Variants in EML6 observed in about 807,000 individuals in gnomAD.
The protein encoded by EML6 is EMAP like 6, also known as echinoderm microtubule-associated protein-like 6.
A neutral mutation model predicts 240.1 loss-of-function variants in EML6; 154 were observed. The ratio of observed to expected loss-of-function variants is 0.64; its 90% confidence interval spans 0.56 to 0.73. EML6 has a LOEUF of 0.73. Ranked by LOEUF, EML6 falls within the 30% of genes least tolerant of loss-of-function variation. The probability of loss-of-function intolerance (pLI) is 0.00; values close to 1 mark genes in which losing one functional copy is unlikely to be tolerated. For synonymous variants in EML6, 1,148 were observed against 899.0 expected, an observed-to-expected ratio of 1.28 and a Z score of -4.95; for missense variants, 2,964 against 2,474.6, an observed-to-expected ratio of 1.20 and a Z score of -4.20.
intron 2 of EML6, among the ~76,000 whole-genome samples, chr2:54,751,283 T>G (rs1264902332): frequency 3.9e-5 from 6 of 152,284 alleles, no homozygotes; most frequent in East Asian, 1.9e-4. Flanking sequence ...AGGGATCACT[T>G]CCTTAGTGTA....
At chr2:54,779,150 G>C (rs1572886438) in intron 2 of EML6, among the ~76,000 whole-genome samples, 1 of 152,146 alleles carries the variant, frequency 6.6e-6, no homozygotes, top group Non-Finnish European at 1.5e-5. Context: ...TCATGAACTT[G>C]TCAGTGGTAG....
At chr2:54,831,202 A>C (rs1363764402) in intron 7 of EML6, among the ~76,000 whole-genome samples, 1 of 152,198 alleles carries the variant, frequency 6.6e-6, no homozygotes, top group African/African-American at 2.4e-5. Flanking sequence ...GGGATTAGTG[A>C]CCATAAACTG....
intron 2 of EML6, among the ~76,000 whole-genome samples, chr2:54,781,173 C>A (rs561785139): frequency 2.0e-5 from 3 of 152,268 alleles, no homozygotes; most frequent in Non-Finnish European, 2.9e-5. Context: ...TTTTTACATG[C>A]GAGGCATAGA....
At chr2:54,788,824 CTT>C (rs1176036005) in intron 2 of EML6, among the ~76,000 whole-genome samples, 1 of 152,126 alleles carries the variant, frequency 6.6e-6, no homozygotes, top group African/African-American at 2.4e-5. Flanking sequence ...TTTTTATTGA[CTT>C]TATTGTTTAA....
chr2:54,806,562 G>A lies in EML6; in HGVS notation c.198-6670G>A, dbSNP rs994844738. ...TGGGAGGCGGAGGTTGCAGTGAGCT[G>A]AGATCACGCCCTTGCACTCCAGCCT... On this transcript the variant is annotated intron_variant, in intron 2 of 41. Transcript: ENST00000356458. Among the ~76,000 whole-genome samples the A allele has an allele frequency of 2.2e-5, 3 of 133,494 alleles. No homozygotes were observed. In the South Asian group the frequency reaches 7.4e-4, roughly 33 times the overall value. The allele number at this position is 133,494 out of a possible 152,430, so 87.6% of individuals were successfully genotyped here.
At chr2:54,840,379 A>G (rs1252118608) in intron 7 of EML6, among the ~76,000 whole-genome samples, 5 of 152,264 alleles carry the variant, frequency 3.3e-5, no homozygotes, top group Admixed American at 2.0e-4. Flanking sequence ...GATGTAATGT[A>G]TATGTCTATA....
At chr2:54,801,492 G>C (rs557760257) in intron 2 of EML6, among the ~76,000 whole-genome samples, 1 of 152,190 alleles carries the variant, frequency 6.6e-6, no homozygotes, top group South Asian at 2.1e-4. Flanking sequence ...ATTCATGCTT[G>C]ACTCTCCAGT....
intron 24 of EML6, among the ~76,000 whole-genome samples, chr2:54,910,561 T>G (rs983243108): frequency 6.6e-6 from 1 of 152,230 alleles, no homozygotes; most frequent in African/African-American, 2.4e-5. Context: ...TATTTCTAAT[T>G]GCCATAATCT....
At chr2:54,852,683 C>T (rs1420459991) in intron 10 of EML6, among the ~76,000 whole-genome samples, 3 of 152,054 alleles carry the variant, frequency 2.0e-5, no homozygotes, top group East Asian at 1.9e-4. Context: ...TGAAGTTTTA[C>T]GTAATGCTGT....
At chr2:54,919,121 TTC>T (rs1573141816) in intron 26 of EML6, among the ~76,000 whole-genome samples, 2 of 152,304 alleles carry the variant, frequency 1.3e-5, no homozygotes, top group East Asian at 3.9e-4. Context: ...CGTAAATGAG[TTC>T]TGTTTTCTCC....
chr2:54,857,730 C>G lies in EML6; in HGVS notation c.1658-1804C>G, dbSNP rs527728978. Among the ~76,000 whole-genome samples, 10 of 152,096 alleles carry G rather than the reference C, an allele frequency of 6.6e-5. 1 individual carries two copies. The South Asian group carries it at 2.1e-3, about 32-fold the overall frequency. ...AAGGAGAATGAAGGATCCAGCTGTT[C>G]AGATATCTAGGGAGAGAGCACTTCA... On this transcript the variant is annotated intron_variant, in intron 11 of 41. Transcript: ENST00000356458.
At chr2:54,759,508 G>A (rs748050232) in intron 2 of EML6, among the ~76,000 whole-genome samples, 1 of 151,942 alleles carries the variant, frequency 6.6e-6, no homozygotes, top group East Asian at 1.9e-4. Flanking sequence ...CTGACTAAAC[G>A]CATAGTAACT....
At chr2:54,808,033 G>C (rs762256187) in intron 2 of EML6, among the ~76,000 whole-genome samples, 10 of 152,146 alleles carry the variant, frequency 6.6e-5, no homozygotes, top group African/African-American at 9.7e-5. Flanking sequence ...CCAGTTTTAG[G>C]GACCCCCCCT....
chr2:54,937,697 C>T (rs1675219198), intron 28 of EML6, among the ~76,000 whole-genome samples: 1 of 151,152 alleles, frequency 6.6e-6, no homozygotes, highest in Non-Finnish European at 1.5e-5. Flanking sequence ...GTTTTAGTCA[C>T]TGATTTGTTA....
At chr2:54,779,918 G>T (rs2103844586) in intron 2 of EML6, among the ~76,000 whole-genome samples, 1 of 149,988 alleles carries the variant, frequency 6.7e-6, no homozygotes, top group Middle Eastern at 3.5e-3. Context: ...GGGGAGAGAG[G>T]GAGAGAGGGA....
At chr2:54,861,700 T>G (rs1022875123) in intron 12 of EML6, among the ~76,000 whole-genome samples, 2 of 151,534 alleles carry the variant, frequency 1.3e-5, no homozygotes, top group African/African-American at 4.9e-5. Flanking sequence ...TTAAAACCAT[T>G]GGCCAGTCAG....
chr2:54,863,845 G>C lies in EML6; in HGVS notation c.1888G>C (p.Asp630His). 6.5e-7 allele frequency: 1 copy of C among 1,548,952 alleles called. No individual in the cohort carries two copies. Among genetic ancestry groups the C allele is most frequent in the Non-Finnish European group, 8.7e-7 (1 of 1,145,848 alleles). Residue 630 changes from aspartate to histidine, a missense_variant, in exon 13 of 42, where the codon GAC becomes CAC. Transcript: ENST00000356458. ...DSDLSDVPELDSDIEQEAQIN... is the reference protein window; with the variant it reads ...DSDLSDVPELHSDIEQEAQIN... ...AGATTTATCTGATGTGCCCGAACTG[G>C]ACTCTGATATTGAGCAAGAAGCTCA...
At chr2:54,807,964 A>C (rs1670585111) in intron 2 of EML6, among the ~76,000 whole-genome samples, 1 of 152,194 alleles carries the variant, frequency 6.6e-6, no homozygotes. Context: ...CAAGGTATTA[A>C]GTTTATTTTA....
At chr2:54,905,091 C>T (rs1260187044) in intron 24 of EML6, among the ~76,000 whole-genome samples, 2 of 152,134 alleles carry the variant, frequency 1.3e-5, no homozygotes, top group Non-Finnish European at 2.9e-5. Flanking sequence ...GCTTTCATGT[C>T]AGGGCAGTGC....
Sources: gnomAD v4.1 joint callset for allele counts (sites outside exome capture counted in the v4.1 genomes callset) on GRCh38, gnomAD v4.1.1 for gene constraint, MANE v1.5 for transcripts, NCBI Gene and HGNC (gene_info 2026-07-23, HGNC 2026-07-21) for gene names.